JMJD1C: variants seen among roughly 807,000 people sequenced by gnomAD.
JMJD1C encodes the protein jumonji domain-containing protein 1C.
Under a neutral mutation model 245.3 loss-of-function variants are expected in JMJD1C, and 31 were observed. That is an observed-to-expected ratio of 0.13 (90% confidence interval 0.09 to 0.17). The LOEUF (loss-of-function observed/expected upper bound fraction) is 0.17, where lower values mean the gene tolerates loss of function less well. Among genes scored for constraint, JMJD1C ranks in the 10% least tolerant of loss-of-function variants. The pLI is 1.00. For missense variants in JMJD1C, 2,691 were observed against 3,000.2 expected (o/e 0.90, Z 2.41); for synonymous variants, 1,057 against 1,017.4 (o/e 1.04, Z -0.74).
intron 3 of JMJD1C, among the ~76,000 whole-genome samples, chr10:63,258,912 C>T (rs765344341): frequency 9.2e-5 from 14 of 152,244 alleles, no homozygotes; most frequent in Admixed American, 3.3e-4. Context: ...GACATGATAC[C>T]ACGAAAATGA....
intron 1 of JMJD1C, among the ~76,000 whole-genome samples, chr10:63,423,247 G>A (rs1950235600): frequency 6.6e-6 from 1 of 152,158 alleles, no homozygotes; most frequent in Non-Finnish European, 1.5e-5. Context: ...TTACAGGCGT[G>A]AGGCACCGCA....
chr10:63,211,615 T>C (rs1189796989), intron 8 of JMJD1C, among the ~76,000 whole-genome samples: 3 of 151,810 alleles, frequency 2.0e-5, no homozygotes, highest in African/African-American at 2.4e-5. Flanking sequence ...TAATGTTATA[T>C]GTAAAAAATA....
At chr10:63,458,947 C>G (rs1044363074) in intron 1 of JMJD1C, among the ~76,000 whole-genome samples, 1 of 152,138 alleles carries the variant, frequency 6.6e-6, no homozygotes, top group Non-Finnish European at 1.5e-5. Context: ...GTCTTGAACT[C>G]CTGAGCTCAA....
chr10:63,323,852 G>A (rs1250144376), intron 2 of JMJD1C, among the ~76,000 whole-genome samples: 1 of 151,862 alleles, frequency 6.6e-6, no homozygotes, highest in Non-Finnish European at 1.5e-5. Context: ...ATATATATAG[G>A]CTCATTATCT....
At chr10:63,475,264 G>C (rs1053064596) in intron 1 of JMJD1C, among the ~76,000 whole-genome samples, 5 of 151,998 alleles carry the variant, frequency 3.3e-5, no homozygotes, top group African/African-American at 1.2e-4. Context: ...TTACAATTTT[G>C]TTTTATGCTT....
chr10:63,369,325 G>A (rs374181739), intron 2 of JMJD1C, among the ~76,000 whole-genome samples: 86 of 151,128 alleles, frequency 5.7e-4, no homozygotes, highest in African/African-American at 1.9e-3. Context: ...TATTTTTAGC[G>A]GAGATGGGGT....
intron 1 of JMJD1C, among the ~76,000 whole-genome samples, chr10:63,496,431 T>C (rs1221563495): frequency 6.6e-6 from 1 of 152,146 alleles, no homozygotes; most frequent in Non-Finnish European, 1.5e-5. Flanking sequence ...TTCCAAGTCA[T>C]CCCCCACAAT....
At chr10:63,427,883 C>T in intron 1 of JMJD1C, 1 of 783,830 alleles carries the variant, frequency 1.3e-6, no homozygotes, top group Non-Finnish European at 2.3e-6. Flanking sequence ...GCACTGGCAG[C>T]TACAGAGAAG....
At chr10:63,336,574 A>G (rs2093742589) in intron 2 of JMJD1C, among the ~76,000 whole-genome samples, 1 of 152,200 alleles carries the variant, frequency 6.6e-6, no homozygotes, top group African/African-American at 2.4e-5. Context: ...GGATACTTTA[A>G]AATCTATAGA....
At chr10:63,400,052 A>C (rs1405756856) in intron 1 of JMJD1C, among the ~76,000 whole-genome samples, 3 of 152,160 alleles carry the variant, frequency 2.0e-5, no homozygotes, top group African/African-American at 7.2e-5. Context: ...TACTTAACAA[A>C]ATGTACAGTA....
rs751790887 is a variant in JMJD1C at position 63,264,657 on chromosome 10, G to A, written c.441C>T (p.Pro147=). 16 of 1,444,764 alleles carry A rather than the reference G, an allele frequency of 1.1e-5. No homozygotes were observed. The highest frequency in any genetic ancestry group is 1.5e-5 in the Non-Finnish European group (16 of 1,055,828). The allele number at this position is 1,444,764 out of a possible 1,614,324, so 89.5% of individuals were successfully genotyped here. ...DFLTEDSAFQ[P]YQDDIDSLNP... ...GTAATCTAAAATTTCTTACCTGGTA[G>A]GGCTGAAAGGCACTATCTTCAGTTA... Residue 147 remains proline, a synonymous_variant, in exon 3 of 26, where the codon CCC becomes CCT. Coordinates refer to ENST00000399262, the MANE Select transcript of JMJD1C (RefSeq NM_032776.3).
chr10:63,491,183 T>C (rs1247852976), intron 1 of JMJD1C, among the ~76,000 whole-genome samples: 1 of 152,190 alleles, frequency 6.6e-6, no homozygotes, highest in Non-Finnish European at 1.5e-5. Flanking sequence ...GTTATTTTAC[T>C]TAACTTCTCT....
intron 1 of JMJD1C, among the ~76,000 whole-genome samples, chr10:63,430,497 G>A (rs1950683176): frequency 6.6e-6 from 1 of 152,196 alleles, no homozygotes; most frequent in African/African-American, 2.4e-5. Context: ...AAAGGGCACA[G>A]ATTATATGAT....
chr10:63,396,164 C>T (rs1589664719), intron 1 of JMJD1C, among the ~76,000 whole-genome samples: 1 of 152,184 alleles, frequency 6.6e-6, no homozygotes, highest in Non-Finnish European at 1.5e-5. Flanking sequence ...ACCCATGCCA[C>T]TCCCTTCTCC....
chr10:63,343,113 G>C (rs1386200678), intron 2 of JMJD1C, among the ~76,000 whole-genome samples: 1 of 152,044 alleles, frequency 6.6e-6, no homozygotes, highest in Non-Finnish European at 1.5e-5. Context: ...TGCAATCCCA[G>C]AACTTTGGGA....
At chr10:63,448,441 G>C (rs1951839570) in intron 1 of JMJD1C, among the ~76,000 whole-genome samples, 1 of 152,156 alleles carries the variant, frequency 6.6e-6, no homozygotes, top group Admixed American at 6.5e-5. Context: ...ACAGGTGTGA[G>C]CCTCCACACC....
intron 2 of JMJD1C, among the ~76,000 whole-genome samples, chr10:63,364,435 T>A (rs1450437823): frequency 6.6e-6 from 1 of 152,224 alleles, no homozygotes; most frequent in Non-Finnish European, 1.5e-5. Flanking sequence ...CATTATCTCT[T>A]ACTGTTCATC....
chr10:63,210,002 C>T (rs1219568045), intron 8 of JMJD1C, among the ~76,000 whole-genome samples: 1 of 152,102 alleles, frequency 6.6e-6, no homozygotes, highest in Non-Finnish European at 1.5e-5. Context: ...GAAAATACAA[C>T]CTCCTTTGTA....
intron 2 of JMJD1C, among the ~76,000 whole-genome samples, chr10:63,338,781 T>TGGGATTACA (rs909693048): frequency 1.6e-4 from 24 of 151,728 alleles, no homozygotes; most frequent in Admixed American, 1.5e-3. Flanking sequence ...CCCAAGTAGC[T>TGGGATTACA]GGGATTACAG....
Sources: gnomAD v4.1 joint callset for allele counts (sites outside exome capture counted in the v4.1 genomes callset) on GRCh38, gnomAD v4.1.1 for gene constraint, MANE v1.5 for transcripts, NCBI Gene and HGNC (gene_info 2026-07-23, HGNC 2026-07-21) for gene names.